The following DCAF6 variants were observed in gnomAD, a reference collection of about 807,000 sequenced individuals.
The protein encoded by DCAF6 is DDB1 and CUL4 associated factor 6.
In DCAF6, 54 loss-of-function variants were observed where a neutral mutation model predicts 125.1. That is an observed-to-expected ratio of 0.43 (90% CI 0.35 to 0.54). The LOEUF (loss-of-function observed/expected upper bound fraction) is 0.54, where lower values mean the gene tolerates loss of function less well. DCAF6 is among the 20% of genes least tolerant of loss of function. The pLI, the probability that DCAF6 is intolerant of heterozygous loss-of-function variation, is 0.01. For missense variants in DCAF6, 934 were observed against 1,161.7 expected, an observed-to-expected ratio of 0.80 and a Z score of 2.85; for synonymous variants, 371 against 390.4, an observed-to-expected ratio of 0.95 and a Z score of 0.58.
At chr1:167,956,666 C>T (rs1169341969) in intron 2 of DCAF6, among the ~76,000 whole-genome samples, 2 of 151,940 alleles carry the variant, frequency 1.3e-5, no homozygotes, top group African/African-American at 4.8e-5. Flanking sequence ...GATATGAGAC[C>T]GTTGTCTTTT....
chr1:167,901,586 T>C, the DCAF6 span: 4 of 1,434,880 alleles, frequency 2.8e-6, no homozygotes, highest in Non-Finnish European at 3.9e-6. Flanking sequence ...CTACTTCTCT[T>C]TGGGAGAGAG....
chr1:167,936,407 G>A (rs1671218699), upstream of DCAF6: 1 of 177,674 alleles, frequency 5.6e-6, no homozygotes, highest in South Asian at 1.2e-4. Flanking sequence ...CTGGAGACTC[G>A]TGAGCGAGAG....
intron 2 of DCAF6, among the ~76,000 whole-genome samples, chr1:167,956,148 T>TA (rs1674755296): frequency 1.3e-5 from 2 of 152,212 alleles, no homozygotes; most frequent in Admixed American, 1.3e-4. Context: ...TGTTCTCCTC[T>TA]ATTACTAACT....
chr1:167,883,388 T>C, the DCAF6 span: 1 of 1,596,432 alleles, frequency 6.3e-7, no homozygotes, highest in Non-Finnish European at 8.6e-7. Context: ...TGTCCATGAA[T>C]GCTAACCTAA....
intron 12 of DCAF6, among the ~76,000 whole-genome samples, chr1:168,027,746 T>C (rs151069488): frequency 9.2e-5 from 14 of 152,192 alleles, no homozygotes; most frequent in East Asian, 7.7e-4. Context: ...ACTGAAGAAA[T>C]TTTTTTCTTT....
the DCAF6 span, chr1:167,883,710 A>C: frequency 1.5e-6 from 2 of 1,298,520 alleles, no homozygotes; most frequent in Non-Finnish European, 2.2e-6. Flanking sequence ...CATACCCGAA[A>C]TCATCTAGGG....
At chr1:167,934,809 C>A (rs189911607), upstream of DCAF6, among the ~76,000 whole-genome samples, 8 of 152,296 alleles carry the variant, frequency 5.3e-5, no homozygotes, top group African/African-American at 1.9e-4. Flanking sequence ...AGGCTTGAAA[C>A]AGACCTCAGA....
At chr1:168,011,319 T>C (rs1459177259) in intron 10 of DCAF6, among the ~76,000 whole-genome samples, 1 of 152,004 alleles carries the variant, frequency 6.6e-6, no homozygotes, top group East Asian at 1.9e-4. Flanking sequence ...GATTTCACCA[T>C]GTTGGCCAGG....
the DCAF6 span, among the ~76,000 whole-genome samples, chr1:167,908,261 T>A: frequency 6.6e-6 from 1 of 152,212 alleles, no homozygotes; most frequent in Non-Finnish European, 1.5e-5. Context: ...ATAGTGTGGA[T>A]GAACCTGGAG....
chr1:168,011,111 A>T (rs930394448), intron 10 of DCAF6, among the ~76,000 whole-genome samples: 8 of 110,362 alleles, frequency 7.2e-5, no homozygotes, highest in African/African-American at 2.5e-4. Context: ...GACCATCAGA[A>T]TTTTTTTTTT....
chr1:168,044,001 T>C (rs1405261388), intron 14 of DCAF6, among the ~76,000 whole-genome samples: 1 of 152,138 alleles, frequency 6.6e-6, no homozygotes, highest in Non-Finnish European at 1.5e-5. Flanking sequence ...TAATTTCAGC[T>C]GTAAGGGATA....
chr1:168,051,663 A>G (rs1433340596), intron 17 of DCAF6, among the ~76,000 whole-genome samples: 1 of 152,206 alleles, frequency 6.6e-6, no homozygotes, highest in Non-Finnish European at 1.5e-5. Flanking sequence ...TAGAGTTCCT[A>G]ATGAAAAATA....
At chr1:168,056,308 G>A (rs1249874732) in intron 17 of DCAF6, 5 of 1,605,550 alleles carry the variant, frequency 3.1e-6, no homozygotes, top group East Asian at 2.2e-5. Flanking sequence ...CGTAGCGTAC[G>A]GACGGCGCCC....
intron 17 of DCAF6, among the ~76,000 whole-genome samples, chr1:168,054,391 C>A (rs1362865213): frequency 6.6e-6 from 1 of 152,102 alleles, no homozygotes; most frequent in Non-Finnish European, 1.5e-5. Context: ...CCCCACTGAC[C>A]TGATAACCTA....
chr1:167,872,648 A>C, the DCAF6 span, among the ~76,000 whole-genome samples: 1 of 151,628 alleles, frequency 6.6e-6, no homozygotes, highest in African/African-American at 2.4e-5. Context: ...TTGTAAAAGA[A>C]GGGCATTTCC....
chr1:167,903,813 G>T, the DCAF6 span: 1 of 1,079,214 alleles, frequency 9.3e-7, no homozygotes. Flanking sequence ...TACTCTATCA[G>T]GTTATAATTG....
chr1:167,998,047 G>A (rs1438731810), intron 7 of DCAF6, among the ~76,000 whole-genome samples: 4 of 152,082 alleles, frequency 2.6e-5, no homozygotes, highest in African/African-American at 9.7e-5. Context: ...CAAAAAATTA[G>A]AGTTATTATA....
the DCAF6 span, chr1:167,920,194 G>A: frequency 9.8e-5 from 72 of 734,462 alleles, no homozygotes; most frequent in Non-Finnish European, 1.5e-4. Flanking sequence ...TGTAGGATGA[G>A]GGACAAAGAA....
the DCAF6 span, among the ~76,000 whole-genome samples, chr1:167,890,784 TCA>T: frequency 6.6e-6 from 1 of 152,182 alleles, no homozygotes; most frequent in African/African-American, 2.4e-5. Context: ...TGGAATGTTT[TCA>T]CATTCTGTCC....
Sources: allele counts gnomAD v4.1 joint callset (sites outside exome capture counted in the v4.1 genomes callset), GRCh38; gene constraint gnomAD v4.1.1; transcripts MANE v1.5; gene names NCBI Gene and HGNC (gene_info 2026-07-23, HGNC 2026-07-21).